SRGAP3: variants seen among roughly 807,000 people sequenced by gnomAD.
The protein encoded by SRGAP3 is SLIT-ROBO Rho GTPase activating protein 3.
In SRGAP3, 39 loss-of-function variants were observed where a neutral mutation model predicts 121.1. That is an observed-to-expected ratio of 0.32 (90% CI 0.25 to 0.42). SRGAP3 has a LOEUF of 0.42. Among genes scored for constraint, SRGAP3 ranks in the 10% least tolerant of loss-of-function variants. SRGAP3 has a pLI of 1.00. For missense variants in SRGAP3, 1,213 were observed against 1,470.6 expected, an observed-to-expected ratio of 0.82 and a Z score of 2.86; for synonymous variants, 601 against 570.0, an observed-to-expected ratio of 1.05 and a Z score of -0.77.
intron 1 of SRGAP3, among the ~76,000 whole-genome samples, chr3:9,181,702 T>C (rs550723564): frequency 3.0e-4 from 46 of 152,338 alleles, no homozygotes; most frequent in Admixed American, 2.5e-3. Flanking sequence ...CCCGCTCTTC[T>C]GGCTCCAGCC....
intron 1 of SRGAP3, among the ~76,000 whole-genome samples, chr3:9,332,051 A>G (rs1258171144): frequency 6.6e-6 from 1 of 152,222 alleles, no homozygotes; most frequent in East Asian, 1.9e-4. Context: ...TGAGGTGCCT[A>G]TGCTGGGCCA....
chr3:9,055,385 G>C (rs1560022833), intron 8 of SRGAP3, among the ~76,000 whole-genome samples: 2 of 152,190 alleles, frequency 1.3e-5, no homozygotes. Context: ...CTCCATCCTG[G>C]TGTCCTTTCT....
At chr3:9,082,150 C>T (rs1401072649) in intron 3 of SRGAP3, among the ~76,000 whole-genome samples, 1 of 152,208 alleles carries the variant, frequency 6.6e-6, no homozygotes, top group Non-Finnish European at 1.5e-5. Context: ...CTCTCTGTTG[C>T]TCCCACTCCT....
At chr3:9,348,873 C>A in intron 1 of SRGAP3, 1 of 1,203,922 alleles carries the variant, frequency 8.3e-7, no homozygotes, top group Non-Finnish European at 1.2e-6. Context: ...GCAAACCTCA[C>A]TGAAGATCAG....
intron 12 of SRGAP3, 65 bp downstream of exon 12, chr3:9,032,585 C>T (rs939167273): frequency 1.4e-4 from 194 of 1,429,232 alleles, no homozygotes; most frequent in Non-Finnish European, 1.7e-4. Context: ...GGCAGGGAGG[C>T]GGGCGGACAG....
At chr3:9,027,992 G>C (rs1275519173) in intron 12 of SRGAP3, 8 of 1,328,992 alleles carry the variant, frequency 6.0e-6, no homozygotes, top group Non-Finnish European at 8.7e-6. Flanking sequence ...GACAGGACAA[G>C]AATATGGACC....
At chr3:9,146,606 G>A in intron 1 of SRGAP3, among the ~76,000 whole-genome samples, 1 of 152,214 alleles carries the variant, frequency 6.6e-6, no homozygotes, top group South Asian at 2.1e-4. Flanking sequence ...GGGAGATGAT[G>A]AGATTTCATG....
chr3:9,025,446 C>T (rs1472369496), intron 13 of SRGAP3, 108 bp from the exon 14 acceptor site: 1 of 1,234,080 alleles, frequency 8.1e-7, no homozygotes, highest in African/African-American at 1.5e-5. Context: ...TCTTTCTCCC[C>T]CGATCCTTTA....
At chr3:9,292,882 G>A (rs1954892187) in intron 3 of SRGAP3, 1 of 152,018 alleles carries the variant, frequency 6.6e-6, no homozygotes. Flanking sequence ...CATTCATCTG[G>A]TCATTAATCT....
chr3:9,222,208 C>G (rs1473530983), intron 1 of SRGAP3, among the ~76,000 whole-genome samples: 3 of 152,222 alleles, frequency 2.0e-5, no homozygotes, highest in Non-Finnish European at 2.9e-5. Context: ...ACCTGAAACA[C>G]ACAGCTGGGA....
intron 1 of SRGAP3, chr3:9,216,650 C>A (rs1484247849): frequency 6.6e-6 from 1 of 152,584 alleles, no homozygotes; most frequent in Non-Finnish European, 1.5e-5. Context: ...AGGACAGGCT[C>A]CGATGTAATG....
chr3:9,058,360 G>C lies in SRGAP3; in HGVS notation c.914C>G (p.Ala305Gly). The C allele has an allele frequency of 3.1e-6, 5 of 1,614,248 alleles. No homozygotes were observed. The highest frequency in any genetic ancestry group is 4.2e-6 in the Non-Finnish European group (5 of 1,180,042). Residue 305 changes from alanine (A) to glycine (G), a missense_variant, in exon 7 of 22, where the codon GCA becomes GGA. Ala to Gly is a moderately conservative substitution (Grantham distance 60, BLOSUM62 0). Around this residue, in one of 2 missense-constraint regions of SRGAP3, gnomAD observed 793 missense variants for 1,032.9 expected, o/e 0.77. Coordinates refer to ENST00000383836, the MANE Select transcript of SRGAP3 (RefSeq NM_014850.4). ...RHEGLDVIEN[A>G]VDNLDSRSDK... is the part of the protein sequence containing the mutation. ...ACTTCGGGAATCCAGGTTGTCCACTGCATTCTCAATGACATCCAGCCCTTC... is the reference window on the plus strand; with the variant it reads ...ACTTCGGGAATCCAGGTTGTCCACTCCATTCTCAATGACATCCAGCCCTTC...
chr3:9,289,999 T>A (rs1954844796), intron 3 of SRGAP3, among the ~76,000 whole-genome samples: 2 of 152,108 alleles, frequency 1.3e-5, no homozygotes, highest in African/African-American at 4.8e-5. Flanking sequence ...TAGTCCCAGC[T>A]ACTCAGGAGG....
intron 1 of SRGAP3, among the ~76,000 whole-genome samples, chr3:9,157,174 G>A (rs1317988516): frequency 2.0e-5 from 3 of 152,166 alleles, no homozygotes; most frequent in South Asian, 2.1e-4. Flanking sequence ...TACAGGAGGC[G>A]TGACTGGGAG....
chr3:9,204,373 T>G (rs1262447492), intron 1 of SRGAP3, among the ~76,000 whole-genome samples: 1 of 152,132 alleles, frequency 6.6e-6, no homozygotes. Flanking sequence ...ACCAGGCCAC[T>G]CCCCAGGCCT....
intron 1 of SRGAP3, among the ~76,000 whole-genome samples, chr3:9,232,410 C>A (rs1953246237): frequency 6.6e-6 from 1 of 152,148 alleles, no homozygotes; most frequent in South Asian, 2.1e-4. Flanking sequence ...CCACCCTATT[C>A]CACCCCTCGT....
chr3:8,997,969 C>T (rs1440930074), intron 18 of SRGAP3, among the ~76,000 whole-genome samples: 1 of 151,544 alleles, frequency 6.6e-6, no homozygotes, highest in Non-Finnish European at 1.5e-5. Context: ...CAACTTGAAC[C>T]TCCTGAGGAT....
At chr3:9,294,276 A>G (rs1954914833) in intron 3 of SRGAP3, among the ~76,000 whole-genome samples, 1 of 152,216 alleles carries the variant, frequency 6.6e-6, no homozygotes, top group African/African-American at 2.4e-5. Flanking sequence ...GCAGAAACAG[A>G]AAACCAAATA....
chr3:9,236,939 T>C (rs901009023), intron 1 of SRGAP3, among the ~76,000 whole-genome samples: 2 of 152,192 alleles, frequency 1.3e-5, no homozygotes, highest in African/African-American at 2.4e-5. Flanking sequence ...AGACACATAC[T>C]AGGAACTCAA....
Sources: allele counts gnomAD v4.1 joint callset (sites outside exome capture counted in the v4.1 genomes callset), GRCh38; gene constraint gnomAD v4.1.1; regional missense constraint gnomAD v4.1.1; transcripts MANE v1.5; gene names NCBI Gene and HGNC (gene_info 2026-07-23, HGNC 2026-07-21).